Variants in VPS53 observed in about 807,000 individuals in gnomAD.
The protein encoded by VPS53 is vacuolar protein sorting-associated protein 53 homolog.
A neutral mutation model predicts 107.0 loss-of-function variants in VPS53; 70 were observed. That is an observed-to-expected ratio of 0.65 (90% CI 0.54 to 0.80). VPS53 has a LOEUF of 0.80. Ranked by LOEUF, VPS53 falls within the 30% of genes least tolerant of loss-of-function variation. The pLI, the probability that VPS53 is intolerant of heterozygous loss-of-function variation, is 0.00. For synonymous variants in VPS53, 409 were observed against 393.3 expected (o/e 1.04, Z -0.47); for missense variants, 917 against 1,049.4 (o/e 0.87, Z 1.74).
At chr17:697,010 G>C (rs2143911304) in intron 4 of VPS53, among the ~76,000 whole-genome samples, 1 of 152,190 alleles carries the variant, frequency 6.6e-6, no homozygotes, top group South Asian at 2.1e-4. Context: ...CCTGCCTGCT[G>C]GCAAAGCGAG....
chr17:680,240 G>C (rs1597479961), intron 4 of VPS53, among the ~76,000 whole-genome samples: 1 of 152,294 alleles, frequency 6.6e-6, no homozygotes, highest in East Asian at 1.9e-4. Context: ...GTTGCAGTGA[G>C]TCAAGATCGC....
intron 6 of VPS53, among the ~76,000 whole-genome samples, chr17:655,530 G>A (rs182578041): frequency 1.1e-3 from 162 of 147,986 alleles, no homozygotes; most frequent in African/African-American, 3.8e-3. Flanking sequence ...TCTGCCTGGA[G>A]TGAATATGGC....
Position 601,756 on chromosome 17 carries a change from A to G in VPS53, c.1218+39T>C, listed in dbSNP as rs761964270. The G allele has an allele frequency of 2.7e-6, 4 of 1,496,436 alleles. No individual in the cohort carries two copies. In the Admixed American group the frequency reaches 5.9e-5, roughly 22 times the overall value. The allele number at this position is 1,496,436 out of a possible 1,614,324, so 92.7% of individuals were successfully genotyped here. On this transcript the variant is annotated intron_variant, in intron 12 of 21. Transcript: ENST00000437048. The stretch of plus-strand genomic sequence containing the variant: ...AGCAGACCGATTTTCAGAAACGCAC[A>G]TTGGGTAGGTTACCCGTGGTGACGC...
At chr17:701,167 T>TAA (rs771066792) in intron 2 of VPS53, among the ~76,000 whole-genome samples, 1 of 151,042 alleles carries the variant, frequency 6.6e-6, no homozygotes, top group East Asian at 1.9e-4. Context: ...CTCCAAAAAA[T>TAA]AAAAAAAAGT....
At chr17:536,079 C>T (rs1362755058) in intron 18 of VPS53, among the ~76,000 whole-genome samples, 1 of 152,164 alleles carries the variant, frequency 6.6e-6, no homozygotes, top group African/African-American at 2.4e-5. Context: ...CACCTGGTAT[C>T]ACGGAAAATG....
At chr17:641,135 C>T (rs1010671790) in intron 7 of VPS53, among the ~76,000 whole-genome samples, 3 of 152,148 alleles carry the variant, frequency 2.0e-5, no homozygotes, top group Non-Finnish European at 4.4e-5. Flanking sequence ...GGATTACAGG[C>T]GTGAGTCACT....
At chr17:587,034 G>A (rs746700757) in intron 12 of VPS53, among the ~76,000 whole-genome samples, 2 of 151,610 alleles carry the variant, frequency 1.3e-5, no homozygotes, top group Non-Finnish European at 2.9e-5. Context: ...TTCTTACCAC[G>A]AGTTCCTAAA....
intron 11 of VPS53, among the ~76,000 whole-genome samples, chr17:604,300 C>G (rs1968461688): frequency 6.6e-6 from 1 of 152,050 alleles, no homozygotes; most frequent in African/African-American, 2.4e-5. Context: ...CCTACTCTCA[C>G]TGGCGTAAAG....
chr17:568,042 A>G (rs1033416817), intron 13 of VPS53, among the ~76,000 whole-genome samples: 3 of 152,132 alleles, frequency 2.0e-5, no homozygotes, highest in African/African-American at 7.2e-5. Flanking sequence ...GTGAGGAGAA[A>G]AAATATGCCA....
chr17:692,768 C>T (rs189352021), intron 4 of VPS53, among the ~76,000 whole-genome samples: 339 of 152,280 alleles, frequency 2.2e-3, no homozygotes, highest in African/African-American at 7.7e-3. Context: ...TTTGGGAGGC[C>T]GAGGCGGGCG....
intron 7 of VPS53, among the ~76,000 whole-genome samples, chr17:650,367 T>C (rs564625973): frequency 1.3e-5 from 2 of 151,978 alleles, no homozygotes; most frequent in African/African-American, 2.4e-5. Context: ...CATGGTGGTA[T>C]TTGCCTGTAT....
Position 702,523 on chromosome 17 carries a change from G to A in VPS53, c.169-3143C>T, listed in dbSNP as rs1054728617. On this transcript the variant is annotated intron_variant, in intron 2 of 21. Transcript: ENST00000437048. The stretch of plus-strand genomic sequence containing the variant: ...CTAAAAATACAAAAAAAAATTAGCC[G>A]GGCGTGGTGGCAGGTGCCTGTAATC... Among the ~76,000 whole-genome samples, 156 of 152,118 alleles carry A rather than the reference G, an allele frequency of 1.0e-3. 1 individual carries two copies. Among genetic ancestry groups the A allele is most frequent in the African/African-American group, 3.3e-3 (139 of 41,502 alleles).
chr17:672,109 GACACACACACACACACACACAC>G (rs10630363), intron 4 of VPS53, among the ~76,000 whole-genome samples: 196 of 108,890 alleles, frequency 1.8e-3, no homozygotes, highest in Non-Finnish European at 3.2e-3. Context: ...TGATGAGGGT[GACACACACACACACACACACAC>G]ACACACACAC....
At chr17:589,021 G>A (rs1004262881) in intron 12 of VPS53, among the ~76,000 whole-genome samples, 1 of 151,920 alleles carries the variant, frequency 6.6e-6, no homozygotes, top group African/African-American at 2.4e-5. Context: ...TGGAAAACAT[G>A]GCTACTACAA....
At chr17:638,429 T>C (rs1057428333) in intron 7 of VPS53, among the ~76,000 whole-genome samples, 1 of 152,178 alleles carries the variant, frequency 6.6e-6, no homozygotes. Flanking sequence ...AAGGTTAATA[T>C]TGTTATGTGT....
Position 653,839 on chromosome 17 carries a change from A to G in VPS53, c.489-429T>C, listed in dbSNP as rs534141243. Among the ~76,000 whole-genome samples, 8 of 152,280 alleles carry G rather than the reference A, an allele frequency of 5.3e-5. No individual in the cohort carries two copies. The South Asian group carries it at 8.3e-4, about 16-fold the overall frequency. ...GGGGTAGGGATGTTACTATCTGAGGATTACAGCCTATGAGCAAACCAAACA... is the reference window on the plus strand; with the variant it reads ...GGGGTAGGGATGTTACTATCTGAGGGTTACAGCCTATGAGCAAACCAAACA... On this transcript the variant is annotated intron_variant, in intron 6 of 21. Coordinates refer to ENST00000437048, the MANE Select transcript of VPS53 (RefSeq NM_001128159.3).
intron 4 of VPS53, among the ~76,000 whole-genome samples, chr17:664,353 C>T (rs1461578208): frequency 6.6e-6 from 1 of 152,168 alleles, no homozygotes; most frequent in Non-Finnish European, 1.5e-5. Context: ...GCTGGGATTA[C>T]AGACGTGAGC....
chr17:663,132 G>A (rs569089272), intron 4 of VPS53, among the ~76,000 whole-genome samples: 2 of 152,082 alleles, frequency 1.3e-5, no homozygotes, highest in Non-Finnish European at 2.9e-5. Flanking sequence ...GAGCCTGGGA[G>A]GTCAAGGCTG....
chr17:608,602 TTTTTCTTTTC>T (rs1365064128), intron 11 of VPS53, among the ~76,000 whole-genome samples: 2 of 148,034 alleles, frequency 1.4e-5, no homozygotes, highest in African/African-American at 5.0e-5. Flanking sequence ...TATTTCTGCT[TTTTTCTTTTC>T]TTTTCTTTTC....
Sources: gnomAD v4.1 joint callset for allele counts (sites outside exome capture counted in the v4.1 genomes callset) on GRCh38, gnomAD v4.1.1 for gene constraint, MANE v1.5 for transcripts, NCBI Gene and HGNC (gene_info 2026-07-23, HGNC 2026-07-21) for gene names.